Variants in SPIN1 observed in about 807,000 individuals in gnomAD.
SPIN1 encodes the protein spindlin-1.
Under a neutral mutation model 26.0 loss-of-function variants are expected in SPIN1, and 3 were observed. The ratio of observed to expected loss-of-function variants is 0.12; its 90% CI spans 0.05 to 0.30. The LOEUF is 0.30. Ranked by LOEUF, SPIN1 falls within the 10% of genes least tolerant of loss-of-function variation. The pLI, the probability that SPIN1 is intolerant of heterozygous loss-of-function variation, is 1.00. For missense variants in SPIN1, 126 were observed against 333.4 expected, an observed-to-expected ratio of 0.38 and a Z score of 4.84; for synonymous variants, 101 against 116.5, an observed-to-expected ratio of 0.87 and a Z score of 0.86.
chr9:88,474,432 G>T (rs1365393358), intron 5 of SPIN1, among the ~76,000 whole-genome samples: 1 of 152,096 alleles, frequency 6.6e-6, no homozygotes, highest in African/African-American at 2.4e-5. Flanking sequence ...AGATTCCCTT[G>T]TAGTTGTCCT....
At chr9:88,435,321 A>T (rs28695466) in intron 2 of SPIN1, among the ~76,000 whole-genome samples, 29,088 of 151,360 alleles carry the variant, frequency 0.19, 3,686 homozygotes, top group African/African-American at 0.37. Context: ...ACTCAAGCGA[A>T]TCTCCTACCT....
At chr9:88,472,681 C>CA (rs895908248) in intron 5 of SPIN1, among the ~76,000 whole-genome samples, 10 of 152,042 alleles carry the variant, frequency 6.6e-5, no homozygotes, top group Non-Finnish European at 1.3e-4. Context: ...TTAGTAGAGA[C>CA]AGAGTTTCAC....
rs377694327 is a variant in SPIN1 at position 88,413,900 on chromosome 9, G to A, written c.-158-12482G>A. ...ACTTTGGATACCAGCTGCAAACTTCGGGGGCTCCCATGTTACTTTTATTTC... is the reference window on the plus strand; with the variant it reads ...ACTTTGGATACCAGCTGCAAACTTCAGGGGCTCCCATGTTACTTTTATTTC... On this transcript the variant is annotated intron_variant, in intron 1 of 5. Transcript: ENST00000375859. Among the ~76,000 whole-genome samples, 11 of 152,148 alleles carry A rather than the reference G, an allele frequency of 7.2e-5. No individual in the cohort carries two copies. The East Asian group carries it at 1.4e-3, about 19-fold the overall frequency.
At chr9:88,411,495 C>T (rs1371031478) in intron 1 of SPIN1, 11 of 870,096 alleles carry the variant, frequency 1.3e-5, no homozygotes, top group Non-Finnish European at 1.8e-5. Flanking sequence ...TTTAATGATG[C>T]TTCAGCGTCA....
At position 88,439,560 on chromosome 9, in the gene SPIN1, T is replaced by C. The variant is rs7039421; in HGVS notation, c.53-9381T>C. On this transcript the variant is annotated intron_variant, in intron 2 of 5. Coordinates refer to ENST00000375859, the MANE Select transcript of SPIN1 (RefSeq NM_006717.3). Reference sequence around the variant, plus strand: ...ATTCTGAAATGTGAAAGACTTCTGGTCCCAAGCATTTTGAATAACAGATAC... The same window carrying C: ...ATTCTGAAATGTGAAAGACTTCTGGCCCCAAGCATTTTGAATAACAGATAC... Among the ~76,000 whole-genome samples, 1,156 of 152,318 alleles carry C rather than the reference T, an allele frequency of 7.6e-3. 18 individuals are homozygous for C. Among genetic ancestry groups the C allele is most frequent in the African/African-American group, 0.026 (1,082 of 41,560 alleles).
In SPIN1 at chr9:88,403,876, A is replaced by T. The variant is rs564012548; in HGVS notation, c.-159+15338A>T. ...TTTTTTACCCTTTAATTTCAGTCTT[A>T]CTTATTTTTCCAGCATGTGTTGCTT... On this transcript the variant is annotated intron_variant, in intron 1 of 5. Coordinates refer to ENST00000375859, the MANE Select transcript of SPIN1 (RefSeq NM_006717.3). Among the ~76,000 whole-genome samples the T allele has an allele frequency of 1.2e-4, 18 of 152,224 alleles. No homozygotes were observed. The South Asian group carries it at 3.3e-3, about 28-fold the overall frequency.
chr9:88,438,446 A>C (rs151038433), intron 2 of SPIN1, among the ~76,000 whole-genome samples: 1 of 152,290 alleles, frequency 6.6e-6, no homozygotes, highest in African/African-American at 2.4e-5. Flanking sequence ...TAAATTTGTG[A>C]AACTGTTTTA....
At chr9:88,471,522 G>A (rs1828784738) in intron 5 of SPIN1, among the ~76,000 whole-genome samples, 1 of 151,680 alleles carries the variant, frequency 6.6e-6, no homozygotes, top group Non-Finnish European at 1.5e-5. Context: ...AGGTGTGGTG[G>A]CAGGCACCTG....
At chr9:88,408,559 G>C (rs751525840) in intron 1 of SPIN1, among the ~76,000 whole-genome samples, 5 of 151,240 alleles carry the variant, frequency 3.3e-5, no homozygotes, top group Non-Finnish European at 7.4e-5. Flanking sequence ...GTATTTTTAG[G>C]AGAGACAGGG....
At chr9:88,401,225 G>T (rs1827178405) in intron 1 of SPIN1, among the ~76,000 whole-genome samples, 1 of 152,086 alleles carries the variant, frequency 6.6e-6, no homozygotes, top group Non-Finnish European at 1.5e-5. Context: ...TATGTTTAAG[G>T]TTTTTCATTA....
At chr9:88,460,519 A>ATG (rs1828558310) in intron 3 of SPIN1, among the ~76,000 whole-genome samples, 1 of 152,178 alleles carries the variant, frequency 6.6e-6, no homozygotes, top group African/African-American at 2.4e-5. Context: ...AAATTGGTTT[A>ATG]TGCTATTTTG....
intron 2 of SPIN1, among the ~76,000 whole-genome samples, chr9:88,440,298 A>G (rs1828093026): frequency 6.8e-6 from 1 of 146,854 alleles, no homozygotes; most frequent in Non-Finnish European, 1.5e-5. Context: ...TTAGCATATC[A>G]AGGATATTTT....
intron 3 of SPIN1, among the ~76,000 whole-genome samples, chr9:88,457,639 T>G (rs559267975): frequency 6.6e-6 from 1 of 151,784 alleles, no homozygotes; most frequent in Non-Finnish European, 1.5e-5. Flanking sequence ...AAATGAAAGT[T>G]TTTTTTTTCT....
At chr9:88,442,816 T>C (rs186772064) in intron 2 of SPIN1, among the ~76,000 whole-genome samples, 23 of 152,232 alleles carry the variant, frequency 1.5e-4, no homozygotes, top group Admixed American at 1.5e-3. Context: ...TGTCTGGCAT[T>C]AATTTCTGGG....
intron 2 of SPIN1, among the ~76,000 whole-genome samples, chr9:88,442,800 G>A (rs1828163581): frequency 6.6e-6 from 1 of 151,868 alleles, no homozygotes; most frequent in African/African-American, 2.4e-5. Context: ...TGGATTTGTG[G>A]TTTGGTGTCT....
At chr9:88,453,806 G>A (rs1211270386) in intron 3 of SPIN1, among the ~76,000 whole-genome samples, 8 of 152,150 alleles carry the variant, frequency 5.3e-5, no homozygotes, top group Admixed American at 2.0e-4. Context: ...GATTACAGGC[G>A]GGAGCCACCG....
rs116370978 is a variant in SPIN1, at chr9:88,463,557, T to G, written c.355+808T>G. Among the ~76,000 whole-genome samples, 929 of 152,304 alleles carry G rather than the reference T, an allele frequency of 6.1e-3. 11 individuals are homozygous for G. Among genetic ancestry groups the G allele is most frequent in the South Asian group, 0.046 (222 of 4,832 alleles). On this transcript the variant is annotated intron_variant, in intron 4 of 5. Transcript: ENST00000375859. Reference sequence around the variant, plus strand: ...GGATCAAATTGTCACAGGAAGAAATTAGTTCAGTCTCCTCGCTTTGTTTTT... The same window carrying G: ...GGATCAAATTGTCACAGGAAGAAATGAGTTCAGTCTCCTCGCTTTGTTTTT...
At chr9:88,438,150 C>CAA (rs201459647) in intron 2 of SPIN1, among the ~76,000 whole-genome samples, 1 of 124,608 alleles carries the variant, frequency 8.0e-6, no homozygotes. Flanking sequence ...GACCCTGTCT[C>CAA]AAAAAAAAAA....
chr9:88,427,481 A>G (rs1281109986), intron 2 of SPIN1, among the ~76,000 whole-genome samples: 1 of 152,184 alleles, frequency 6.6e-6, no homozygotes, highest in African/African-American at 2.4e-5. Flanking sequence ...AGTTTAAGGT[A>G]TATGAGAGCT....
Sources: gnomAD v4.1 joint callset for allele counts (sites outside exome capture counted in the v4.1 genomes callset) on GRCh38, gnomAD v4.1.1 for gene constraint, MANE v1.5 for transcripts, NCBI Gene and HGNC (gene_info 2026-07-23, HGNC 2026-07-21) for gene names.